DLC1: variants seen among roughly 807,000 people sequenced by gnomAD.
DLC1 encodes the protein DLC1 Rho GTPase activating protein.
A neutral mutation model predicts 140.3 loss-of-function variants in DLC1; 54 were observed. The ratio of observed to expected loss-of-function variants is 0.38; its 90% CI spans 0.31 to 0.48. The LOEUF is 0.48. DLC1 is among the 20% of genes least tolerant of loss of function. DLC1 has a pLI of 0.96. For synonymous variants in DLC1, 986 were observed against 728.1 expected (o/e 1.35, Z -5.70); for missense variants, 2,536 against 1,907.0 (o/e 1.33, Z -6.14).
At chr8:13,259,519 G>A (rs903329825) in intron 5 of DLC1, among the ~76,000 whole-genome samples, 1 of 152,024 alleles carries the variant, frequency 6.6e-6, no homozygotes, top group African/African-American at 2.4e-5. Flanking sequence ...TGAGGAAGAA[G>A]AGCTTTATTA....
chr8:13,191,308 A>G (rs1430078322), intron 5 of DLC1, among the ~76,000 whole-genome samples: 1 of 152,176 alleles, frequency 6.6e-6, no homozygotes, highest in African/African-American at 2.4e-5. Context: ...GCAGTTCAAG[A>G]CCAGCCTGGC....
chr8:13,213,330 C>A (rs1022876855), intron 5 of DLC1, among the ~76,000 whole-genome samples: 12 of 152,152 alleles, frequency 7.9e-5, no homozygotes, highest in Admixed American at 3.9e-4. Context: ...ACCTATAATA[C>A]ACTTTATATC....
intron 4 of DLC1, among the ~76,000 whole-genome samples, chr8:13,363,343 G>C (rs1209114523): frequency 1.3e-5 from 2 of 149,820 alleles, no homozygotes; most frequent in African/African-American, 4.9e-5. Context: ...ATATGTCATT[G>C]AATACGTGAA....
chr8:13,361,985 C>A (rs913041698), intron 4 of DLC1, among the ~76,000 whole-genome samples: 1 of 152,128 alleles, frequency 6.6e-6, no homozygotes, highest in Non-Finnish European at 1.5e-5. Context: ...TTTCCCAAAA[C>A]CAAAGAAATA....
chr8:13,480,860 C>T (rs1359784464), intron 2 of DLC1, among the ~76,000 whole-genome samples: 5 of 152,090 alleles, frequency 3.3e-5, no homozygotes, highest in Non-Finnish European at 5.9e-5. Context: ...GCTGAGATCA[C>T]GCCATTGCAC....
intron 1 of DLC1, among the ~76,000 whole-genome samples, chr8:13,563,715 T>G (rs1048278991): frequency 6.6e-6 from 1 of 152,178 alleles, no homozygotes; most frequent in Non-Finnish European, 1.5e-5. Flanking sequence ...TTTCTGGAAT[T>G]TATCCTAAAC....
chr8:13,588,724 C>T (rs1021176990), intron 1 of DLC1, among the ~76,000 whole-genome samples: 1 of 152,054 alleles, frequency 6.6e-6, no homozygotes, highest in East Asian at 1.9e-4. Flanking sequence ...ACTATCTCAG[C>T]AGCTGTCTTC....
intron 5 of DLC1, among the ~76,000 whole-genome samples, chr8:13,164,087 A>G (rs976160836): frequency 1.6e-4 from 25 of 152,110 alleles, no homozygotes; most frequent in Non-Finnish European, 3.4e-4. Context: ...ACCTGAGGTC[A>G]GGAGTTTGAG....
At chr8:13,119,753 A>C (rs1454794226) in intron 5 of DLC1, among the ~76,000 whole-genome samples, 4 of 152,030 alleles carry the variant, frequency 2.6e-5, no homozygotes, top group Non-Finnish European at 5.9e-5. Flanking sequence ...GGAGTTCAAG[A>C]CCACTCTGGG....
At chr8:13,565,831 A>T (rs1804409668) in intron 1 of DLC1, among the ~76,000 whole-genome samples, 1 of 152,210 alleles carries the variant, frequency 6.6e-6, no homozygotes, top group African/African-American at 2.4e-5. Context: ...ACATTTTATA[A>T]TTTCTCACGA....
chr8:13,312,050 T>C (rs1233296169), intron 4 of DLC1, among the ~76,000 whole-genome samples: 1 of 152,184 alleles, frequency 6.6e-6, no homozygotes, highest in African/African-American at 2.4e-5. Context: ...CTAATCATTA[T>C]TCTAAGTTTT....
At chr8:13,248,989 G>A (rs1373861183) in intron 5 of DLC1, among the ~76,000 whole-genome samples, 1 of 152,122 alleles carries the variant, frequency 6.6e-6, no homozygotes, top group Non-Finnish European at 1.5e-5. Flanking sequence ...CCTAACCTCA[G>A]AGGGGTATTT....
chr8:13,449,035 T>C (rs959105371), intron 2 of DLC1, among the ~76,000 whole-genome samples: 5 of 152,110 alleles, frequency 3.3e-5, no homozygotes, highest in African/African-American at 1.2e-4. Flanking sequence ...ATTTCATGGA[T>C]TACTGAAAAA....
chr8:13,588,658 A>G (rs760562980), intron 1 of DLC1, among the ~76,000 whole-genome samples: 1 of 152,114 alleles, frequency 6.6e-6, no homozygotes, highest in Non-Finnish European at 1.5e-5. Flanking sequence ...ATCTTGGTAC[A>G]ATTTACCTCT....
intron 2 of DLC1, among the ~76,000 whole-genome samples, chr8:13,438,750 T>A (rs762604657): frequency 6.6e-6 from 1 of 152,182 alleles, no homozygotes; most frequent in Non-Finnish European, 1.5e-5. Context: ...TCAAATGTCA[T>A]CTCTGTGCAG....
intron 5 of DLC1, among the ~76,000 whole-genome samples, chr8:13,123,005 C>A (rs143789378): frequency 1.3e-5 from 2 of 152,066 alleles, no homozygotes; most frequent in Non-Finnish European, 2.9e-5. Flanking sequence ...CAGCAGCTCT[C>A]AGGGAAAATC....
At chr8:13,342,817 A>C (rs1834131338) in intron 4 of DLC1, 1 of 143,652 alleles carries the variant, frequency 7.0e-6, no homozygotes, top group Non-Finnish European at 1.5e-5. Flanking sequence ...TTTGCCTCCA[A>C]CATATCCATC....
chr8:13,532,084 G>A (rs1197790408), intron 1 of DLC1, among the ~76,000 whole-genome samples: 1 of 152,176 alleles, frequency 6.6e-6, no homozygotes. Flanking sequence ...ATTAAGGCTA[G>A]ATTAGAGCCA....
intron 4 of DLC1, chr8:13,341,258 T>A (rs1001295601): frequency 6.6e-6 from 1 of 152,132 alleles, no homozygotes; most frequent in Non-Finnish European, 1.5e-5. Flanking sequence ...TCCTACCATA[T>A]ATAAAAGAAC....
Sources: allele counts gnomAD v4.1 joint callset (sites outside exome capture counted in the v4.1 genomes callset), GRCh38; gene constraint gnomAD v4.1.1; transcripts MANE v1.5; gene names NCBI Gene and HGNC (gene_info 2026-07-23, HGNC 2026-07-21).